Variants in ABCA5 observed in about 807,000 individuals in gnomAD.
The protein encoded by ABCA5 is ATP binding cassette subfamily A member 5, also known as cholesterol transporter ABCA5.
ABCA5 carries 163 observed loss-of-function variants against 206.0 expected under a neutral mutation model. The observed-to-expected ratio is 0.79, with a 90% CI of 0.70 to 0.90. The LOEUF (loss-of-function observed/expected upper bound fraction) is 0.90. ABCA5 is among the 40% of genes least tolerant of loss of function. The pLI is 0.00. For missense variants in ABCA5, 1,859 were observed against 1,912.9 expected (o/e 0.97, Z 0.53); for synonymous variants, 609 against 613.8 (o/e 0.99, Z 0.11).
rs766199750 is a variant in ABCA5, at chr17:69,248,368, G to T, written c.4766-51C>A. ...TACTTATCAATATCTGAAAAAAATG[G>T]CAATACCTACCAAAGTGGCTAACAA... On this transcript the variant is annotated intron_variant, in intron 37 of 38. Transcript: ENST00000392676. 3 of 1,111,300 alleles carry T rather than the reference G, an allele frequency of 2.7e-6. No homozygotes were observed. The South Asian group carries it at 4.3e-5, about 16-fold the overall frequency. 68.8% of individuals were successfully genotyped at this position (1,111,300 alleles called of 1,614,324 possible). A position where few individuals can be genotyped will look rare whatever the true frequency, so the allele number is the denominator to read the frequency against.
chr17:69,290,237 CAGGTCATATAACAT>C (rs1464815472), intron 12 of ABCA5, among the ~76,000 whole-genome samples, 200 bp from the exon 13 acceptor site: 1 of 152,108 alleles, frequency 6.6e-6, no homozygotes, highest in African/African-American at 2.4e-5. Flanking sequence ...CCATCACTTA[CAGGTCATATAACAT>C]AGTGGGAAAA....
chr17:69,273,749 C>A (rs930076853), intron 20 of ABCA5, among the ~76,000 whole-genome samples: 7 of 152,058 alleles, frequency 4.6e-5, no homozygotes, highest in Admixed American at 3.9e-4. Context: ...AGCCATCGCA[C>A]CTGGCCAAAA....
chr17:69,281,539 C>A (rs778678036), intron 18 of ABCA5, among the ~76,000 whole-genome samples: 92 of 152,250 alleles, frequency 6.0e-4, no homozygotes, highest in Middle Eastern at 6.8e-3. Flanking sequence ...AAATCACATA[C>A]ATTAATTTTC....
chr17:69,311,057 G>A (rs561416783), intron 3 of ABCA5, among the ~76,000 whole-genome samples: 13 of 152,232 alleles, frequency 8.5e-5, no homozygotes, highest in African/African-American at 2.9e-4. Context: ...AGCCAGGTGT[G>A]GTGGTGTGCA....
At chr17:69,263,666 GC>G (rs2075174429) in intron 24 of ABCA5, among the ~76,000 whole-genome samples, 1 of 131,280 alleles carries the variant, frequency 7.6e-6, no homozygotes. Context: ...GTAATGAAAT[GC>G]CTCTGGCTTT....
At chr17:69,304,885 T>C (rs2075700769) in intron 6 of ABCA5, 75 bp from the exon 7 acceptor site, 12 of 1,322,136 alleles carry the variant, frequency 9.1e-6, no homozygotes, top group Non-Finnish European at 1.2e-5. Flanking sequence ...TTAAACAAAA[T>C]TTTTAGATTT....
intron 18 of ABCA5, among the ~76,000 whole-genome samples, chr17:69,278,888 A>T (rs1182233711): frequency 8.8e-5 from 13 of 147,432 alleles, no homozygotes; most frequent in South Asian, 6.5e-4. Flanking sequence ...ACATATCTCA[A>T]AATAATAAGA....
At chr17:69,303,392 C>A (rs536367598) in intron 7 of ABCA5, among the ~76,000 whole-genome samples, 1 of 151,938 alleles carries the variant, frequency 6.6e-6, no homozygotes, top group Non-Finnish European at 1.5e-5. Flanking sequence ...GCTGGGATTA[C>A]GGGTGTGAGC....
chr17:69,253,332 T>C (rs1452248868), intron 34 of ABCA5, among the ~76,000 whole-genome samples: 1 of 152,226 alleles, frequency 6.6e-6, no homozygotes, highest in Non-Finnish European at 1.5e-5. Flanking sequence ...TTTATCTTAA[T>C]AATGACTCAT....
chr17:69,267,765 C>T (rs143400180), intron 23 of ABCA5, among the ~76,000 whole-genome samples, 178 bp downstream of exon 23: 2,253 of 152,126 alleles, frequency 0.015, 24 homozygotes, highest in Non-Finnish European at 0.022. Flanking sequence ...TGTAGCAAGT[C>T]TCAAATAATA....
intron 1 of ABCA5, among the ~76,000 whole-genome samples, chr17:69,319,495 C>T (rs542693866): frequency 1.3e-4 from 20 of 152,226 alleles, no homozygotes; most frequent in African/African-American, 4.8e-4. Context: ...AACCAACTCC[C>T]CAAACACCAT....
At chr17:69,306,148 A>C (rs1305396528) in intron 6 of ABCA5, among the ~76,000 whole-genome samples, 3 of 152,312 alleles carry the variant, frequency 2.0e-5, no homozygotes, top group Admixed American at 6.5e-5. Flanking sequence ...TCACTGTACA[A>C]AAATGCTGAT....
At chr17:69,289,385 A>G in intron 13 of ABCA5, 89 bp from the exon 14 acceptor site, 1 of 1,033,480 alleles carries the variant, frequency 9.7e-7, no homozygotes, top group Non-Finnish European at 1.3e-6. Context: ...TTTAAGTTTT[A>G]ATGTGTTAGA....
At chr17:69,266,403 ATCTC>A (rs1240487161) in intron 23 of ABCA5, among the ~76,000 whole-genome samples, 2 of 152,050 alleles carry the variant, frequency 1.3e-5, no homozygotes, top group African/African-American at 2.4e-5. Context: ...AGTACACAGG[ATCTC>A]TCTGTCATTT....
At chr17:69,312,159 A>G (rs925370462) in intron 3 of ABCA5, among the ~76,000 whole-genome samples, 3 of 152,210 alleles carry the variant, frequency 2.0e-5, no homozygotes, top group African/African-American at 7.2e-5. Flanking sequence ...TCCTTGTTTA[A>G]TCATTAATAG....
At chr17:69,312,117 T>C (rs922976696) in intron 3 of ABCA5, among the ~76,000 whole-genome samples, 8 of 152,324 alleles carry the variant, frequency 5.3e-5, no homozygotes, top group Admixed American at 3.9e-4. Context: ...AAAAATAACA[T>C]GCTAATCTGT....
chr17:69,277,735 C>T lies in ABCA5; in HGVS notation c.2500G>A (p.Val834Met), dbSNP rs1404175012. The T allele has an allele frequency of 6.2e-7, 1 of 1,609,488 alleles. No homozygotes were observed. The highest frequency in any genetic ancestry group is 1.7e-5 in the Admixed American group (1 of 58,874). Residue 834 changes from valine to methionine, a missense_variant, in exon 19 of 39, where the codon GTG (valine) becomes ATG (methionine). Physicochemically the swap from Val to Met is conservative, Grantham distance 21. Transcript: ENST00000392676. ...LILSETKAAL[V>M]STMSLWKQQM... ...TGTTTCCAAAGGCTCATGGTGCTCACTAGAGCAGCCTTGGTTTCAGAAAGA... is the reference window on the plus strand; with the variant it reads ...TGTTTCCAAAGGCTCATGGTGCTCATTAGAGCAGCCTTGGTTTCAGAAAGA...
At chr17:69,257,193 T>C (rs2075092887) in intron 28 of ABCA5, among the ~76,000 whole-genome samples, 1 of 151,978 alleles carries the variant, frequency 6.6e-6, no homozygotes, top group Non-Finnish European at 1.5e-5. Context: ...GGAGAAACCC[T>C]GTCTCTACTA....
intron 37 of ABCA5, chr17:69,249,689 A>T: frequency 3.8e-6 from 2 of 527,720 alleles, no homozygotes; most frequent in Non-Finnish European, 6.5e-6. Context: ...GTCTTAGATT[A>T]AATGAATAAA....
Sources: gnomAD v4.1 joint callset for allele counts (sites outside exome capture counted in the v4.1 genomes callset) on GRCh38, gnomAD v4.1.1 for gene constraint, MANE v1.5 for transcripts, NCBI Gene and HGNC (gene_info 2026-07-23, HGNC 2026-07-21) for gene names.